The following ACMSD variants were observed in gnomAD, a reference collection of about 807,000 sequenced individuals.
The protein encoded by ACMSD is aminocarboxymuconate semialdehyde decarboxylase.
Under a neutral mutation model 45.9 loss-of-function variants are expected in ACMSD, and 37 were observed. The ratio of observed to expected loss-of-function variants is 0.81; its 90% CI spans 0.62 to 1.06. ACMSD has a LOEUF of 1.06. Ranked by LOEUF, ACMSD falls within the 50% of genes least tolerant of loss-of-function variation. ACMSD has a pLI of 0.00. For missense variants in ACMSD, 434 were observed against 420.9 expected (o/e 1.03, Z -0.27); for synonymous variants, 138 against 148.8 (o/e 0.93, Z 0.53).
chr2:134,871,517 T>C (rs1215570648), intron 7 of ACMSD, among the ~76,000 whole-genome samples: 2 of 151,608 alleles, frequency 1.3e-5, no homozygotes, highest in Non-Finnish European at 2.9e-5. Context: ...CATTGTTTTT[T>C]TTTTTTCTGT....
chr2:134,892,746 G>C (rs1264641438), intron 8 of ACMSD, among the ~76,000 whole-genome samples: 5 of 152,130 alleles, frequency 3.3e-5, no homozygotes, highest in African/African-American at 1.2e-4. Context: ...CAGATATCCA[G>C]AATGAAGGTG....
intron 8 of ACMSD, among the ~76,000 whole-genome samples, chr2:134,889,735 G>A (rs1268295822): frequency 6.6e-6 from 1 of 151,906 alleles, no homozygotes; most frequent in African/African-American, 2.4e-5. Context: ...TGGTCTTGAG[G>A]GTAACTGTAC....
At chr2:134,863,291 T>A in intron 4 of ACMSD, 104 bp from the exon 5 acceptor site, 1 of 1,201,292 alleles carries the variant, frequency 8.3e-7, no homozygotes, top group Non-Finnish European at 1.2e-6. Flanking sequence ...GTAAAGCCAC[T>A]GAAAATGACA....
At chr2:134,881,755 A>C (rs988628030) in intron 8 of ACMSD, among the ~76,000 whole-genome samples, 2 of 152,226 alleles carry the variant, frequency 1.3e-5, no homozygotes, top group Non-Finnish European at 2.9e-5. Context: ...TCGGAGGCCG[A>C]GATGGGAGGA....
chr2:134,901,733 T>C, intron 9 of ACMSD, 65 bp from the exon 10 acceptor site: 2 of 1,226,884 alleles, frequency 1.6e-6, no homozygotes, highest in Non-Finnish European at 2.3e-6. Flanking sequence ...ACCTGATCAA[T>C]GTAGTACTTA....
chr2:134,880,062 A>C (rs998427227), intron 8 of ACMSD, among the ~76,000 whole-genome samples: 17 of 152,228 alleles, frequency 1.1e-4, no homozygotes, highest in South Asian at 2.1e-4. Context: ...TTATCTAAAA[A>C]TGTCTGTATT....
chr2:134,871,002 G>T lies in ACMSD; in HGVS notation c.618G>T (p.Met206Ile), dbSNP rs766643624. The T allele has an allele frequency of 6.2e-7, 1 of 1,614,118 alleles. No homozygotes were observed. The highest frequency in any genetic ancestry group is 1.1e-5 in the South Asian group (1 of 91,058). Residue 206 changes from methionine to isoleucine, a missense_variant, in exon 7 of 10, where the codon ATG becomes ATT. Met to Ile is a conservative substitution (Grantham distance 10). Coordinates refer to ENST00000356140, the MANE Select transcript of ACMSD (RefSeq NM_138326.3). The stretch of plus-strand genomic sequence containing the variant: ...AGACCACCATAGCCATTTGCTCCAT[G>T]ATCATGGGTGGAGTATTTGAGAAGT... Reference protein sequence around the residue: ...PAETTIAICSMIMGGVFEKFP... With the variant: ...PAETTIAICSIIMGGVFEKFP...
chr2:134,854,935 T>A (rs538053771), intron 2 of ACMSD, among the ~76,000 whole-genome samples: 1 of 152,328 alleles, frequency 6.6e-6, no homozygotes, highest in African/African-American at 2.4e-5. Context: ...ACTGTGCTCT[T>A]TGGCACTCTG....
intron 9 of ACMSD, among the ~76,000 whole-genome samples, chr2:134,900,469 G>T (rs188722747): frequency 1.3e-5 from 2 of 152,296 alleles, no homozygotes; most frequent in Admixed American, 1.3e-4. Flanking sequence ...AAGCACAAGA[G>T]TAGTAATGCT....
chr2:134,890,329 AAC>A (rs1388847744), intron 8 of ACMSD, among the ~76,000 whole-genome samples: 2 of 152,064 alleles, frequency 1.3e-5, no homozygotes, highest in Non-Finnish European at 2.9e-5. Context: ...ACATCAGACA[AAC>A]ACAAACTGAG....
intron 8 of ACMSD, among the ~76,000 whole-genome samples, chr2:134,895,509 A>T (rs1166701363): frequency 1.3e-5 from 2 of 151,608 alleles, no homozygotes; most frequent in Non-Finnish European, 2.9e-5. Flanking sequence ...TGCTATCAAA[A>T]TTCCAGATGT....
intron 4 of ACMSD, 193 bp from the exon 5 acceptor site, chr2:134,863,202 T>C (rs1687927059): frequency 2.0e-6 from 1 of 510,358 alleles, no homozygotes; most frequent in South Asian, 8.3e-5. Context: ...CCTGCAGTTT[T>C]CTTTGCTTTA....
At chr2:134,848,635 T>C (rs554980620) in intron 2 of ACMSD, among the ~76,000 whole-genome samples, 264 of 152,330 alleles carry the variant, frequency 1.7e-3, no homozygotes, top group African/African-American at 5.4e-3. Flanking sequence ...GTTTTTTTTC[T>C]TGTAAATTTG....
At chr2:134,841,727 T>C (rs1031818810) in intron 1 of ACMSD, among the ~76,000 whole-genome samples, 13 of 152,350 alleles carry the variant, frequency 8.5e-5, no homozygotes, top group African/African-American at 3.1e-4. Context: ...AAGGCCTTAC[T>C]GACAACCTAC....
intron 8 of ACMSD, among the ~76,000 whole-genome samples, chr2:134,884,924 A>G (rs1573701460): frequency 6.6e-6 from 1 of 151,966 alleles, no homozygotes; most frequent in Non-Finnish European, 1.5e-5. Flanking sequence ...GGCCAGGCAC[A>G]GTGGCTCAAG....
At chr2:134,871,678 G>GACACAC (rs368267244) in intron 7 of ACMSD, among the ~76,000 whole-genome samples, 2,971 of 137,646 alleles carry the variant, frequency 0.022, 51 homozygotes, top group South Asian at 0.052. Flanking sequence ...CCCTTCAACA[G>GACACAC]ACAGACACAC....
rs1689580145 is a variant in ACMSD at position 134,888,393 on chromosome 2, A to C, written c.850-9948A>C. On this transcript the variant is annotated intron_variant, in intron 8 of 9. Transcript: ENST00000356140. The stretch of plus-strand genomic sequence containing the variant: ...ACTCAACTATGAGCAAGGATGTAAA[A>C]CAACCAGAATTTTCACACATTGTTA... 1.3e-5 allele frequency among the ~76,000 whole-genome samples: 2 copies of C among 152,196 alleles called. 1 individual carries two copies. The highest frequency in any genetic ancestry group is 4.1e-4 in the South Asian group (2 of 4,826).
chr2:134,841,521 A>G (rs909900418), intron 1 of ACMSD, among the ~76,000 whole-genome samples: 1 of 152,172 alleles, frequency 6.6e-6, no homozygotes, highest in African/African-American at 2.4e-5. Flanking sequence ...AAAAAAAAAC[A>G]TATCTGACGT....
intron 8 of ACMSD, among the ~76,000 whole-genome samples, chr2:134,894,326 T>C (rs1689968011): frequency 6.6e-6 from 1 of 151,962 alleles, no homozygotes; most frequent in East Asian, 1.9e-4. Flanking sequence ...ATAAAAAGAA[T>C]TATAAGTAAA....
Sources: allele counts gnomAD v4.1 joint callset (sites outside exome capture counted in the v4.1 genomes callset), GRCh38; gene constraint gnomAD v4.1.1; transcripts MANE v1.5; gene names NCBI Gene and HGNC (gene_info 2026-07-23, HGNC 2026-07-21).